MYT1L: variants seen among roughly 807,000 people sequenced by gnomAD.
MYT1L encodes myelin transcription factor 1 like, also known as myelin transcription factor 1-like protein.
Under a neutral mutation model 126.7 loss-of-function variants are expected in MYT1L, and 12 were observed. The observed-to-expected ratio is 0.09, with a 90% CI of 0.06 to 0.15. The LOEUF (loss-of-function observed/expected upper bound fraction) is 0.15, where lower values mean the gene tolerates loss of function less well. Among genes scored for constraint, MYT1L ranks in the 10% least tolerant of loss-of-function variants. The probability of loss-of-function intolerance (pLI) is 1.00; values close to 1 mark genes in which losing one functional copy is unlikely to be tolerated. For synonymous variants in MYT1L, 541 were observed against 604.2 expected (o/e 0.90, Z 1.53); for missense variants, 979 against 1,585.2 (o/e 0.62, Z 6.49).
chr2:1,944,730 C>CTAA (rs1185916293), intron 8 of MYT1L, among the ~76,000 whole-genome samples: 1 of 152,184 alleles, frequency 6.6e-6, no homozygotes, highest in African/African-American at 2.4e-5. Flanking sequence ...GCTTTATGCT[C>CTAA]TAACAAGGGA....
intron 1 of MYT1L, among the ~76,000 whole-genome samples, chr2:2,291,161 C>T (rs1056316155): frequency 2.6e-5 from 4 of 151,912 alleles, no homozygotes; most frequent in Non-Finnish European, 5.9e-5. Context: ...AGACAAAGCA[C>T]AGAAGCAGCC....
chr2:2,271,703 C>T (rs567248429), intron 2 of MYT1L, among the ~76,000 whole-genome samples: 3 of 152,182 alleles, frequency 2.0e-5, no homozygotes, highest in Non-Finnish European at 1.5e-5. Context: ...CGAGGGCCTG[C>T]ATCCTGGCTG....
chr2:2,094,260 C>A (rs879275842), intron 3 of MYT1L, among the ~76,000 whole-genome samples: 8 of 152,142 alleles, frequency 5.3e-5, no homozygotes, highest in Non-Finnish European at 7.3e-5. Flanking sequence ...ATTAAAAAGT[C>A]AGGAAACAAC....
At chr2:1,820,758 G>A (rs1380955009) in intron 21 of MYT1L, among the ~76,000 whole-genome samples, 4 of 152,026 alleles carry the variant, frequency 2.6e-5, no homozygotes, top group African/African-American at 7.2e-5. Context: ...TGTTGCCCAG[G>A]TTGGTCTTAA....
chr2:2,279,328 A>G lies in MYT1L; in HGVS notation c.-421+5076T>C, dbSNP rs559050933. ...GATAGTTCAAAGTATGGAGGACAAT[A>G]ATGCCTTCTTACATATCAAAGAAGT... On this transcript the variant is annotated intron_variant, in intron 2 of 24. Transcript: ENST00000647738. 4.8e-4 allele frequency among the ~76,000 whole-genome samples: 73 copies of G among 152,226 alleles called. 1 individual carries two copies. The highest frequency in any genetic ancestry group is 1.7e-3 in the African/African-American group (71 of 41,540).
At chr2:2,062,504 C>A (rs961667784) in intron 3 of MYT1L, among the ~76,000 whole-genome samples, 3 of 152,216 alleles carry the variant, frequency 2.0e-5, no homozygotes, top group African/African-American at 7.2e-5. Flanking sequence ...CTCTTGTAAT[C>A]TCTCTCCTTT....
chr2:1,899,899 G>A (rs1347346130), intron 14 of MYT1L, among the ~76,000 whole-genome samples: 3 of 152,200 alleles, frequency 2.0e-5, no homozygotes, highest in African/African-American at 7.2e-5. Context: ...GCAAGCACTG[G>A]TGTGCTGTGT....
At chr2:1,839,516 GA>G in intron 20 of MYT1L, 146 bp from the exon 21 acceptor site, 1 of 702,470 alleles carries the variant, frequency 1.4e-6, no homozygotes, top group Non-Finnish European at 2.3e-6. Flanking sequence ...AAAAGAGAAA[GA>G]AAGAAAAGTC....
At chr2:1,875,866 C>CAGCTGTGCTGGTGTGCTGTGCTGG (rs1249334074) in intron 18 of MYT1L, among the ~76,000 whole-genome samples, 6 of 152,210 alleles carry the variant, frequency 3.9e-5, no homozygotes, top group Non-Finnish European at 7.3e-5. Flanking sequence ...GGGCTCTGCA[C>CAGCTGTGCTGGTGTGCTGTGCTGG]TCTTAGTGCA....
intron 18 of MYT1L, 94 bp downstream of exon 18, chr2:1,886,443 AAC>A (rs746830940): frequency 8.8e-6 from 8 of 913,646 alleles, no homozygotes; most frequent in Non-Finnish European, 1.3e-5. Flanking sequence ...CATGTTTTTT[AAC>A]AGACATTTTT....
At chr2:2,207,235 T>C (rs1193891133) in intron 2 of MYT1L, among the ~76,000 whole-genome samples, 1 of 152,218 alleles carries the variant, frequency 6.6e-6, no homozygotes, top group Non-Finnish European at 1.5e-5. Flanking sequence ...GAAAGCATGA[T>C]TACTATGAAT....
At chr2:2,011,851 G>A (rs1329637402) in intron 4 of MYT1L, among the ~76,000 whole-genome samples, 3 of 152,194 alleles carry the variant, frequency 2.0e-5, no homozygotes. Context: ...GGGATGTCCA[G>A]AAGCAAACAT....
intron 2 of MYT1L, among the ~76,000 whole-genome samples, chr2:2,189,779 C>A (rs2092456586): frequency 6.6e-6 from 1 of 150,700 alleles, no homozygotes; most frequent in African/African-American, 2.5e-5. Flanking sequence ...TTCTCAGGAC[C>A]GCACGGGGAG....
At chr2:1,964,028 A>G (rs2149399614) in intron 8 of MYT1L, among the ~76,000 whole-genome samples, 1 of 152,310 alleles carries the variant, frequency 6.6e-6, no homozygotes, top group South Asian at 2.1e-4. Flanking sequence ...TCTAAGCTTA[A>G]GCATTTCCAG....
chr2:2,261,042 A>G (rs1382418462), intron 2 of MYT1L, among the ~76,000 whole-genome samples: 1 of 152,164 alleles, frequency 6.6e-6, no homozygotes, highest in East Asian at 1.9e-4. Flanking sequence ...ATCCTGTCTC[A>G]GGAAGTCTTG....
intron 2 of MYT1L, among the ~76,000 whole-genome samples, chr2:2,245,934 G>T (rs2094526420): frequency 6.6e-6 from 1 of 152,138 alleles, no homozygotes; most frequent in Non-Finnish European, 1.5e-5. Flanking sequence ...GCAAGGACAG[G>T]GATTCTCCCC....
intron 2 of MYT1L, among the ~76,000 whole-genome samples, chr2:2,253,827 G>A (rs2094728665): frequency 6.6e-6 from 1 of 152,132 alleles, no homozygotes; most frequent in African/African-American, 2.4e-5. Context: ...GAGCAAGTCG[G>A]AATTTCCCGG....
chr2:2,056,132 G>A (rs1037106837), intron 3 of MYT1L, among the ~76,000 whole-genome samples: 1 of 152,218 alleles, frequency 6.6e-6, no homozygotes, highest in Non-Finnish European at 1.5e-5. Flanking sequence ...TTCTCCAGGC[G>A]CACATTCACA....
At chr2:2,080,902 T>C (rs938969622) in intron 3 of MYT1L, among the ~76,000 whole-genome samples, 3 of 152,170 alleles carry the variant, frequency 2.0e-5, no homozygotes, top group African/African-American at 7.2e-5. Flanking sequence ...GAAGCCGGTA[T>C]CAACAAAACC....
Sources: allele counts gnomAD v4.1 joint callset (sites outside exome capture counted in the v4.1 genomes callset), GRCh38; gene constraint gnomAD v4.1.1; transcripts MANE v1.5; gene names NCBI Gene and HGNC (gene_info 2026-07-23, HGNC 2026-07-21).